Variants in LMNB2 observed in about 807,000 individuals in gnomAD.
The protein encoded by LMNB2 is lamin B2, also known as lamin-B2.
In LMNB2, 17 loss-of-function variants were observed where a neutral mutation model predicts 69.3. The observed-to-expected ratio is 0.25, with a 90% CI of 0.17 to 0.37. The LOEUF (loss-of-function observed/expected upper bound fraction) is 0.37, where lower values mean the gene tolerates loss of function less well. Among genes scored for constraint, LMNB2 ranks in the 10% least tolerant of loss-of-function variants. LMNB2 has a pLI of 1.00. For missense variants in LMNB2, 789 were observed against 883.6 expected (o/e 0.89, Z 1.36); for synonymous variants, 397 against 389.3 (o/e 1.02, Z -0.23).
rs1439118328 is a variant in LMNB2 at position 2,456,526 on chromosome 19, G to A, written c.264+144C>T. ...GCCGAGCTGCACCCCTCACTCAGGGGCCCCCCGAAACCCCGCGGAAACCCC... is the reference window on the plus strand; with the variant it reads ...GCCGAGCTGCACCCCTCACTCAGGGACCCCCCGAAACCCCGCGGAAACCCC... On this transcript the variant is annotated intron_variant, in intron 1 of 11. Coordinates refer to ENST00000325327, the MANE Select transcript of LMNB2 (RefSeq NM_032737.4). The A allele has an allele frequency of 1.4e-5, 12 of 836,718 alleles. No homozygotes were observed. The Admixed American group carries it at 4.7e-4, about 33-fold the overall frequency. 51.8% of individuals were successfully genotyped at this position (836,718 alleles called of 1,614,324 possible).
At chr19:2,441,050 G>T (rs1599336495) in intron 2 of LMNB2, among the ~76,000 whole-genome samples, 1 of 152,246 alleles carries the variant, frequency 6.6e-6, no homozygotes, top group African/African-American at 2.4e-5. Context: ...ACCAGGAGCT[G>T]CCCCAGGCTG....
Position 2,430,598 on chromosome 19 carries a change from C to A in LMNB2, c.*313G>T. 1 of 465,556 alleles carries A rather than the reference C, an allele frequency of 2.1e-6. No individual in the cohort carries two copies. The highest frequency in any genetic ancestry group is 2.1e-5 in the South Asian group (1 of 47,860). 28.8% of individuals were successfully genotyped at this position (465,556 alleles called of 1,614,324 possible). On this transcript the variant is annotated 3_prime_UTR_variant, in exon 12 of 12. Coordinates refer to ENST00000325327, the MANE Select transcript of LMNB2 (RefSeq NM_032737.4). ...GTCTCCTGTCCCCTCGCTAGCCTCG[C>A]CGGCCCTCCTCCCTCCAAGCCCAAG...
In LMNB2 at chr19:2,444,470, C is replaced by G; in HGVS notation, c.335G>C (p.Arg112Pro). ...DARRVLDETA[R>P]ERARLQIEIG... ...CTCTATCTGCAGCCGGGCACGCTCT[C>G]GAGCCGTCTCATCCAGGACTCTCCG... Residue 112 changes from arginine (R) to proline (P), a missense_variant, in exon 2 of 12, where the codon CGA becomes CCA. Physicochemically the swap from Arg to Pro is moderately radical, Grantham distance 103. This residue lies in a region of LMNB2 where 145 missense variants were observed against 228.9 expected (regional missense o/e 0.63). Transcript: ENST00000325327. 1 of 1,613,644 alleles carries G rather than the reference C, an allele frequency of 6.2e-7. No individual in the cohort carries two copies.
intron 2 of LMNB2, among the ~76,000 whole-genome samples, chr19:2,439,320 G>A (rs1971866769): frequency 6.6e-6 from 1 of 151,986 alleles, no homozygotes; most frequent in Admixed American, 6.6e-5. Context: ...GCTGACATCT[G>A]GGGTGGTCTT....
At position 2,443,346 on chromosome 19, in the gene LMNB2, C is replaced by T. The variant is rs999121612; in HGVS notation, c.401+1058G>A. Among the ~76,000 whole-genome samples the T allele has an allele frequency of 2.0e-5, 3 of 152,304 alleles. No individual in the cohort carries two copies. Among genetic ancestry groups the T allele is most frequent in the Admixed American group, 1.3e-4 (2 of 15,300 alleles). On this transcript the variant is annotated intron_variant, in intron 2 of 11. Coordinates refer to ENST00000325327, the MANE Select transcript of LMNB2 (RefSeq NM_032737.4). The surrounding 1 kb of genome is among the most constrained non-coding windows in gnomAD (Gnocchi z 6.2). ...GCCAGCCCAGGAAGGAGGAGGGCGTCGGATGGAGAGGTCACCTGCAACCAC... is the reference window on the plus strand; with the variant it reads ...GCCAGCCCAGGAAGGAGGAGGGCGTTGGATGGAGAGGTCACCTGCAACCAC...
chr19:2,432,433 C>T lies in LMNB2; in HGVS notation c.1573G>A (p.Ala525Thr), dbSNP rs1400747049. 7 of 1,612,956 alleles carry T rather than the reference C, an allele frequency of 4.3e-6. No homozygotes were observed. Among genetic ancestry groups the T allele is most frequent in the East Asian group, 2.2e-5 (1 of 44,878 alleles). The change falls in exon 9 of 12, where the codon GCC becomes ACC. Residue 525 changes from alanine to threonine, a missense_variant. Coordinates refer to ENST00000325327, the MANE Select transcript of LMNB2 (RefSeq NM_032737.4). ...CCACCTACCGTGACCATCTGGCCGG[C>T]GCGCAGGATGTACTTGGGCGTGAAC... ...YKFTPKYILR[A>T]GQMVTVWAAG...
intron 1 of LMNB2, among the ~76,000 whole-genome samples, chr19:2,448,941 G>C (rs968254274): frequency 6.6e-6 from 1 of 152,192 alleles, no homozygotes; most frequent in Non-Finnish European, 1.5e-5. Context: ...CCAGCCTGGA[G>C]AGCAATGCCG....
At chr19:2,435,373 G>C (rs1204763153) in intron 4 of LMNB2, among the ~76,000 whole-genome samples, 1 of 152,220 alleles carries the variant, frequency 6.6e-6, no homozygotes, top group Non-Finnish European at 1.5e-5. Flanking sequence ...ACGAAAAGGA[G>C]CGAGGCTCTG....
intron 4 of LMNB2, 37 bp downstream of exon 4, chr19:2,438,126 C>T: frequency 6.2e-7 from 1 of 1,612,058 alleles, no homozygotes; most frequent in South Asian, 1.1e-5. Context: ...CTTTGCGTTT[C>T]CGCTGTGCCA....
chr19:2,430,722 G>A lies in LMNB2; in HGVS notation c.*189C>T, dbSNP rs982868574. The A allele has an allele frequency of 1.5e-5, 10 of 682,918 alleles. No homozygotes were observed. The highest frequency in any genetic ancestry group is 5.5e-5 in the East Asian group (2 of 36,562). The allele number at this position is 682,918 out of a possible 1,614,324, so 42.3% of individuals were successfully genotyped here. A position where few individuals can be genotyped will look rare whatever the true frequency, so the allele number is the denominator to read the frequency against. Reference sequence around the variant, plus strand: ...ATTGAAAAGTCTCCGGGGCAGCGGCGAAGTGGCAGCGAAGTGAGGCTGGAG... The same window carrying A: ...ATTGAAAAGTCTCCGGGGCAGCGGCAAAGTGGCAGCGAAGTGAGGCTGGAG... On this transcript the variant is annotated 3_prime_UTR_variant, in exon 12 of 12. Coordinates refer to ENST00000325327, the MANE Select transcript of LMNB2 (RefSeq NM_032737.4).
In LMNB2 at chr19:2,438,434, G is replaced by C. The variant is rs1599334955; in HGVS notation, c.499C>G (p.Leu167Val). Reference sequence around the variant, plus strand: ...CTCTCCAGGCCGCGCTTGTCGCTGAGGGCAGCTGCCAGCTCCACCTCGCTC... The same window carrying C: ...CTCTCCAGGCCGCGCTTGTCGCTGACGGCAGCTGCCAGCTCCACCTCGCTC... ...HRSEVELAAALSDKRGLESDV... is the reference protein window; with the variant it reads ...HRSEVELAAAVSDKRGLESDV... The change falls in exon 3 of 12, where the codon CTC (leucine) becomes GTC (valine). Residue 167 changes from leucine to valine, a missense_variant. By Grantham distance (32) the Leu-to-Val change is conservative. Around this residue, in one of 3 missense-constraint regions of LMNB2, gnomAD observed 145 missense variants for 228.9 expected, o/e 0.63. Coordinates refer to ENST00000325327, the MANE Select transcript of LMNB2 (RefSeq NM_032737.4). The C allele has an allele frequency of 2.5e-6, 4 of 1,612,486 alleles. No individual in the cohort carries two copies. The highest frequency in any genetic ancestry group is 3.3e-5 in the Admixed American group (2 of 59,970).
chr19:2,443,824 G>C lies in LMNB2; in HGVS notation c.401+580C>G, dbSNP rs1971924841. Reference sequence around the variant, plus strand: ...AACCACATCCCACGCCCAGAATCAGGCAAGACTCACTGCCAGGCTGAGAGG... The same window carrying C: ...AACCACATCCCACGCCCAGAATCAGCCAAGACTCACTGCCAGGCTGAGAGG... On this transcript the variant is annotated intron_variant, in intron 2 of 11. Coordinates refer to ENST00000325327, the MANE Select transcript of LMNB2 (RefSeq NM_032737.4). This position sits in a 1 kb window ranked among gnomAD's most constrained non-coding sequence, Gnocchi z 6.2. 6.6e-6 allele frequency among the ~76,000 whole-genome samples: 1 copy of C among 152,120 alleles called. No individual in the cohort carries two copies. The highest frequency in any genetic ancestry group is 1.5e-5 in the Non-Finnish European group (1 of 68,016).
chr19:2,435,994 C>A (rs892555614), intron 4 of LMNB2, among the ~76,000 whole-genome samples: 1 of 151,452 alleles, frequency 6.6e-6, no homozygotes, highest in Non-Finnish European at 1.5e-5. Context: ...ATTAAAAATA[C>A]AAAAATTAGG....
intron 4 of LMNB2, among the ~76,000 whole-genome samples, chr19:2,435,968 G>A (rs1971817517): frequency 6.6e-6 from 1 of 152,076 alleles, no homozygotes; most frequent in African/African-American, 2.4e-5. Context: ...AGCCAACATG[G>A]TGAAACCCCA....
rs748845008 is a variant in LMNB2 at position 2,444,423 on chromosome 19, A to C, written c.382T>G (p.Leu128Val). 1 of 1,613,044 alleles carries C rather than the reference A, an allele frequency of 6.2e-7. No homozygotes were observed. Among genetic ancestry groups the C allele is most frequent in the African/African-American group, 1.3e-5 (1 of 74,766 alleles). The change falls in exon 2 of 12, where the codon TTG becomes GTG. Residue 128 changes from leucine to valine, a missense_variant. Coordinates refer to ENST00000325327, the MANE Select transcript of LMNB2 (RefSeq NM_032737.4). ...ACTCACCTCTTGTTGACCTCGTCCA[A>C]CTCTGCCCTCAGCTTCCCAATCTCT... is the stretch of plus-strand genomic sequence containing the variant. ...QIEIGKLRAELDEVNKSAKKR... is the reference protein window; with the variant it reads ...QIEIGKLRAEVDEVNKSAKKR...
chr19:2,452,033 G>A (rs1021652644), intron 1 of LMNB2, among the ~76,000 whole-genome samples: 2 of 152,024 alleles, frequency 1.3e-5, no homozygotes, highest in East Asian at 1.9e-4. Flanking sequence ...GCCTGGACAC[G>A]GGCCACAGCG....
Position 2,443,085 on chromosome 19 carries a change from C to A in LMNB2, c.401+1319G>T, listed in dbSNP as rs975777321. ...CACGGTGGGTGCTGGAGGTAGACAG[C>A]ACAGAGCTGCTGCCTGAGCAGGTCC... On this transcript the variant is annotated intron_variant, in intron 2 of 11. Coordinates refer to ENST00000325327, the MANE Select transcript of LMNB2 (RefSeq NM_032737.4). This position sits in a 1 kb window ranked among gnomAD's most constrained non-coding sequence, Gnocchi z 6.2. Among the ~76,000 whole-genome samples, 1 of 152,174 alleles carries A rather than the reference C, an allele frequency of 6.6e-6. No homozygotes were observed. Among genetic ancestry groups the A allele is most frequent in the African/African-American group, 2.4e-5 (1 of 41,444 alleles).
chr19:2,433,868 G>A lies in LMNB2; in HGVS notation c.1440C>T (p.Asp480=). ...TGAGCTGCACAAACTTGCCCTCCAGGTCGATCTCCTCGATGCTGACGCTAC... is the reference window on the plus strand; with the variant it reads ...TGAGCTGCACAAACTTGCCCTCCAGATCGATCTCCTCGATGCTGACGCTAC... The part of the protein sequence containing the change: ...ASGSVSIEEI[D]LEGKFVQLKN... The change falls in exon 8 of 12, where the codon GAC becomes GAT. Residue 480 remains aspartate (D), a synonymous_variant. Coordinates refer to ENST00000325327, the MANE Select transcript of LMNB2 (RefSeq NM_032737.4). The A allele has an allele frequency of 1.2e-6, 2 of 1,613,392 alleles. No individual in the cohort carries two copies. The highest frequency in any genetic ancestry group is 8.5e-7 in the Non-Finnish European group (1 of 1,179,894).
chr19:2,455,213 T>C (rs1168781808), intron 1 of LMNB2, among the ~76,000 whole-genome samples: 1 of 151,922 alleles, frequency 6.6e-6, no homozygotes, highest in Non-Finnish European at 1.5e-5. Flanking sequence ...GGGAACTCGC[T>C]AAAGCTCCAG....
Sources: gnomAD v4.1 joint callset for allele counts (sites outside exome capture counted in the v4.1 genomes callset) on GRCh38, gnomAD v4.1.1 for gene constraint, gnomAD v4.1.1 regional missense constraint, Gnocchi (gnomAD v3.1) non-coding constraint, MANE v1.5 for transcripts, NCBI Gene and HGNC (gene_info 2026-07-23, HGNC 2026-07-21) for gene names.